Variants in CSE1L observed in about 807,000 individuals in gnomAD.
The protein encoded by CSE1L is exportin-2.
CSE1L carries 24 observed loss-of-function variants against 120.4 expected under a neutral mutation model. That is an observed-to-expected ratio of 0.20 (90% confidence interval 0.14 to 0.28). CSE1L has a LOEUF of 0.28. CSE1L is among the 10% of genes least tolerant of loss of function. The probability of loss-of-function intolerance (pLI) is 1.00; values close to 1 mark genes in which losing one functional copy is unlikely to be tolerated. For synonymous variants in CSE1L, 402 were observed against 398.3 expected (o/e 1.01, Z -0.11); for missense variants, 830 against 1,145.2 (o/e 0.72, Z 3.97).
chr20:49,058,588 A>G (rs1156634301), intron 2 of CSE1L, 40 bp downstream of exon 2: 2 of 1,489,026 alleles, frequency 1.3e-6, no homozygotes, highest in South Asian at 2.3e-5. Flanking sequence ...TAATTCCTTC[A>G]GGACAGGTGA....
chr20:49,077,131 C>G lies in CSE1L; in HGVS notation c.1420+67C>G. 1.1e-5 allele frequency: 9 copies of G among 849,710 alleles called. No homozygotes were observed. In the South Asian group the frequency reaches 1.5e-4, roughly 14 times the overall value. 52.6% of individuals were successfully genotyped at this position (849,710 alleles called of 1,614,324 possible). The stretch of plus-strand genomic sequence containing the variant: ...TATACCTGAATTCAAAAAACAGCTT[C>G]CTATCCTTGTTCCCTTTTGTTCTTT... On this transcript the variant is annotated intron_variant, in intron 13 of 24. Coordinates refer to ENST00000262982, the MANE Select transcript of CSE1L (RefSeq NM_001316.4).
At chr20:49,059,112 CAG>C (rs970988667) in intron 2 of CSE1L, among the ~76,000 whole-genome samples, 2 of 140,630 alleles carry the variant, frequency 1.4e-5, no homozygotes, top group African/African-American at 5.4e-5. Flanking sequence ...GCCTGGGCGA[CAG>C]AGCAAGACTC....
chr20:49,092,474 A>G (rs1365950527), intron 22 of CSE1L, among the ~76,000 whole-genome samples: 1 of 151,800 alleles, frequency 6.6e-6, no homozygotes, highest in Non-Finnish European at 1.5e-5. Flanking sequence ...TACTCTACAC[A>G]CTGGCATTCT....
rs749428437 is a variant in CSE1L at position 49,063,382 on chromosome 20, T to C, written c.228+38T>C. The C allele has an allele frequency of 2.3e-6, 3 of 1,331,046 alleles. No homozygotes were observed. The South Asian group carries it at 4.2e-5, about 19-fold the overall frequency. 82.5% of individuals were successfully genotyped at this position (1,331,046 alleles called of 1,614,324 possible). ...TGAATACATAATTTAATACCCTGTA[T>C]GTTTATAAGGTTTATATAAGCAGTG... On this transcript the variant is annotated intron_variant, in intron 3 of 24. Coordinates refer to ENST00000262982, the MANE Select transcript of CSE1L (RefSeq NM_001316.4).
At chr20:49,094,580 A>C (rs2092125633) in intron 23 of CSE1L, 152 bp from the exon 24 acceptor site, 1 of 655,954 alleles carries the variant, frequency 1.5e-6, no homozygotes, top group Non-Finnish European at 2.6e-6. Context: ...GGAAGAACTG[A>C]ATAAGCCAAG....
intron 15 of CSE1L, 41 bp from the exon 16 acceptor site, chr20:49,085,242 C>T (rs764189421): frequency 6.7e-7 from 1 of 1,493,772 alleles, no homozygotes; most frequent in Admixed American, 1.7e-5. Context: ...GTGACAAGCT[C>T]AAGAGTTGGT....
At chr20:49,049,154 G>C (rs1324023193) in intron 1 of CSE1L, among the ~76,000 whole-genome samples, 1 of 152,122 alleles carries the variant, frequency 6.6e-6, no homozygotes, top group Non-Finnish European at 1.5e-5. Context: ...GATTTCCAAA[G>C]ATAGTTACGT....
In CSE1L at chr20:49,078,602, AT is replaced by A; in HGVS notation, c.1464del (p.Met489Ter). The A allele has an allele frequency of 6.4e-7, 1 of 1,570,172 alleles. No homozygotes were observed. The highest frequency in any genetic ancestry group is 1.2e-5 in the South Asian group (1 of 83,990). On this transcript the variant is annotated frameshift_variant, in exon 14 of 25. Transcript: ENST00000262982. LOFTEE classifies it high-confidence loss of function. ...CCTTAAAGCTGACGGTATCAAATAT[AT>A]TATGATTTTTAGAAATCAAGTAAGT... Reference protein sequence around the residue: ...PVLKADGIKYIMIFRNQVPKE... With the variant: ...PVLKADGIKYXMIFRNQVPKE...
At chr20:49,062,679 A>T (rs906036168) in intron 2 of CSE1L, among the ~76,000 whole-genome samples, 1 of 151,988 alleles carries the variant, frequency 6.6e-6, no homozygotes, top group Non-Finnish European at 1.5e-5. Flanking sequence ...TTTAAATGCT[A>T]TCTACTTTTC....
chr20:49,088,140 T>C (rs187961160), intron 17 of CSE1L, 34 bp downstream of exon 17: 21 of 1,424,040 alleles, frequency 1.5e-5, no homozygotes, highest in Non-Finnish European at 2.0e-5. Flanking sequence ...GGGGTTCCTT[T>C]TTTATTTGCT....
At chr20:49,096,181 T>C (rs1361418220) in intron 24 of CSE1L, 168 bp from the exon 25 acceptor site, 1 of 709,356 alleles carries the variant, frequency 1.4e-6, no homozygotes. Flanking sequence ...TTTAGACCTA[T>C]TTTTGAAGGC....
At chr20:49,094,109 A>C in intron 22 of CSE1L, 31 bp from the exon 23 acceptor site, 1 of 1,299,272 alleles carries the variant, frequency 7.7e-7, no homozygotes, top group Non-Finnish European at 1.1e-6. Flanking sequence ...GTGATAATCT[A>C]ATATTAAGTT....
chr20:49,078,522 A>G, intron 13 of CSE1L, 39 bp from the exon 14 acceptor site: 1 of 1,393,168 alleles, frequency 7.2e-7, no homozygotes, highest in Non-Finnish European at 9.9e-7. Context: ...AATGATCCTT[A>G]CCACTTAAGT....
At chr20:49,047,882 C>G (rs2091732499) in intron 1 of CSE1L, among the ~76,000 whole-genome samples, 1 of 152,124 alleles carries the variant, frequency 6.6e-6, no homozygotes, top group Non-Finnish European at 1.5e-5. Flanking sequence ...CATTTACTAA[C>G]ACTTACTTAT....
chr20:49,074,715 C>G, intron 10 of CSE1L, 70 bp from the exon 11 acceptor site: 1 of 1,310,964 alleles, frequency 7.6e-7, no homozygotes, highest in Non-Finnish European at 1.1e-6. Context: ...ACATACTCTT[C>G]TGCATTCTCA....
chr20:49,079,596 T>C (rs1379358145), intron 14 of CSE1L, among the ~76,000 whole-genome samples: 1 of 151,968 alleles, frequency 6.6e-6, no homozygotes, highest in Non-Finnish European at 1.5e-5. Flanking sequence ...CACATTTTAC[T>C]TTTGGCTGAT....
chr20:49,063,100 A>G, intron 2 of CSE1L, 102 bp from the exon 3 acceptor site: 1 of 574,506 alleles, frequency 1.7e-6, no homozygotes, highest in Non-Finnish European at 2.5e-6. Flanking sequence ...AAATAACCTA[A>G]TCTTTTCTCT....
intron 2 of CSE1L, 91 bp from the exon 3 acceptor site, chr20:49,063,111 T>C (rs1464471128): frequency 4.6e-6 from 3 of 657,332 alleles, no homozygotes; most frequent in Non-Finnish European, 6.3e-6. Context: ...TCTTTTCTCT[T>C]TTTTTGATTT....
chr20:49,085,572 T>A (rs2092049851), intron 16 of CSE1L, among the ~76,000 whole-genome samples, 186 bp downstream of exon 16: 2 of 98,776 alleles, frequency 2.0e-5, no homozygotes, highest in Admixed American at 9.2e-5. Flanking sequence ...ATTTTTTTTT[T>A]TTTTTTTTTT....
Sources: gnomAD v4.1 joint callset for allele counts (sites outside exome capture counted in the v4.1 genomes callset) on GRCh38, gnomAD v4.1.1 for gene constraint, MANE v1.5 for transcripts, NCBI Gene and HGNC (gene_info 2026-07-23, HGNC 2026-07-21) for gene names.